The following CNTN5 variants were observed in gnomAD, a reference collection of about 807,000 sequenced individuals.
CNTN5 encodes contactin-5.
CNTN5 carries 77 observed loss-of-function variants against 129.1 expected under a neutral mutation model. That is an observed-to-expected ratio of 0.60 (90% confidence interval 0.50 to 0.72). The LOEUF is 0.72. Among genes scored for constraint, CNTN5 ranks in the 30% least tolerant of loss-of-function variants. The pLI is 0.00. For missense variants in CNTN5, 1,478 were observed against 1,328.8 expected, an observed-to-expected ratio of 1.11 and a Z score of -1.75; for synonymous variants, 509 against 465.6, an observed-to-expected ratio of 1.09 and a Z score of -1.20.
intron 3 of CNTN5, among the ~76,000 whole-genome samples, chr11:99,693,156 T>C (rs570358916): frequency 6.6e-6 from 1 of 152,284 alleles, no homozygotes; most frequent in African/African-American, 2.4e-5. Flanking sequence ...AGTAATGTAG[T>C]CTTCAAAGAA....
intron 3 of CNTN5, among the ~76,000 whole-genome samples, chr11:99,652,819 G>T (rs980869725): frequency 6.6e-6 from 1 of 151,976 alleles, no homozygotes; most frequent in African/African-American, 2.4e-5. Context: ...TACTGAATAT[G>T]TGCAGCAAAG....
intron 3 of CNTN5, among the ~76,000 whole-genome samples, chr11:99,762,854 A>T (rs1415595024): frequency 6.6e-6 from 1 of 152,162 alleles, no homozygotes; most frequent in Non-Finnish European, 1.5e-5. Context: ...AGTTTTAAAG[A>T]TTAATTTTCC....
chr11:99,623,949 A>T (rs1333236337), intron 3 of CNTN5, among the ~76,000 whole-genome samples: 1 of 152,160 alleles, frequency 6.6e-6, no homozygotes, highest in African/African-American at 2.4e-5. Context: ...GAAACTTGTA[A>T]ATTAAGGGTG....
At chr11:100,284,929 TTCTACTGTGCCACTTA>T (rs1950735648) in intron 18 of CNTN5, among the ~76,000 whole-genome samples, 2 of 152,326 alleles carry the variant, frequency 1.3e-5, no homozygotes, top group Admixed American at 1.3e-4. Context: ...TGGATTAACG[TTCTACTGTGCCACTTA>T]ATAGCAGGGT....
rs149187186 is a variant in CNTN5, at chr11:100,179,881, T to C, written c.1581-11245T>C. Reference sequence around the variant, plus strand: ...TTTAAGAAGTAGATAATCGTAATAGTCCTATGTCTTTTTTAAATATTTAAT... The same window carrying C: ...TTTAAGAAGTAGATAATCGTAATAGCCCTATGTCTTTTTTAAATATTTAAT... On this transcript the variant is annotated intron_variant, in intron 13 of 24. Coordinates refer to ENST00000524871, the MANE Select transcript of CNTN5 (RefSeq NM_014361.4). 8.6e-3 allele frequency among the ~76,000 whole-genome samples: 1,311 copies of C among 152,182 alleles called. 16 individuals are homozygous for C. Among genetic ancestry groups the C allele is most frequent in the African/African-American group, 0.029 (1,223 of 41,544 alleles).
At chr11:99,870,022 G>T (rs921252657) in intron 6 of CNTN5, among the ~76,000 whole-genome samples, 2 of 152,042 alleles carry the variant, frequency 1.3e-5, no homozygotes, top group African/African-American at 4.8e-5. Flanking sequence ...TAATTAAAAG[G>T]CACCACTCTC....
At chr11:99,275,031 G>T (rs2135869150) in intron 1 of CNTN5, among the ~76,000 whole-genome samples, 1 of 151,378 alleles carries the variant, frequency 6.6e-6, no homozygotes, top group Non-Finnish European at 1.5e-5. Flanking sequence ...CTGTATTTAA[G>T]ACATAACTTG....
intron 18 of CNTN5, among the ~76,000 whole-genome samples, chr11:100,283,134 T>C (rs1398924836): frequency 1.3e-5 from 2 of 152,122 alleles, no homozygotes; most frequent in African/African-American, 2.4e-5. Flanking sequence ...TTACTTTTCA[T>C]AGCAGATGAT....
At chr11:99,338,151 A>G (rs1866322553) in intron 2 of CNTN5, among the ~76,000 whole-genome samples, 1 of 152,216 alleles carries the variant, frequency 6.6e-6, no homozygotes, top group East Asian at 1.9e-4. Flanking sequence ...ATGAACACAA[A>G]GCATCTTTAA....
chr11:100,013,955 C>G (rs560425126), intron 9 of CNTN5, among the ~76,000 whole-genome samples: 2 of 152,174 alleles, frequency 1.3e-5, no homozygotes, highest in African/African-American at 4.8e-5. Context: ...ACTAAGCATG[C>G]TCGTCATGTG....
chr11:100,294,305 C>T (rs1591487283), intron 18 of CNTN5, among the ~76,000 whole-genome samples: 1 of 151,662 alleles, frequency 6.6e-6, no homozygotes, highest in African/African-American at 2.4e-5. Context: ...GATATTCTGC[C>T]GTGGCTAAAC....
At position 99,448,068 on chromosome 11, in the gene CNTN5, A is replaced by G. The variant is rs536572408; in HGVS notation, c.-70-108077A>G. 4.0e-4 allele frequency among the ~76,000 whole-genome samples: 61 copies of G among 152,272 alleles called. 2 individuals are homozygous for G. Among genetic ancestry groups the G allele is most frequent in the Middle Eastern group, 3.4e-3 (1 of 290 alleles). ...TAATTACATTATACATTTATTGTAG[A>G]GTTATATAATAGTAAGTTAACATTA... On this transcript the variant is annotated intron_variant, in intron 2 of 24. Transcript: ENST00000524871.
chr11:99,465,593 T>G (rs1255070662), intron 2 of CNTN5, among the ~76,000 whole-genome samples: 2 of 150,854 alleles, frequency 1.3e-5, no homozygotes, highest in Admixed American at 6.6e-5. Context: ...TGGTATATAG[T>G]AGGAAATCAG....
intron 3 of CNTN5, among the ~76,000 whole-genome samples, chr11:99,579,363 G>A (rs1329728655): frequency 1.3e-5 from 2 of 151,526 alleles, no homozygotes; most frequent in Non-Finnish European, 3.0e-5. Context: ...CCAATTCTGT[G>A]AAGAAAGTCA....
In CNTN5 at chr11:100,015,297, C is replaced by A. The variant is rs147828858; in HGVS notation, c.980+13161C>A. ...CTAGTAGGGTGTTATGCAGTAATAT[C>A]TGTGCTGGTATGCCCAAATTTCAGA... On this transcript the variant is annotated intron_variant, in intron 9 of 24. Coordinates refer to ENST00000524871, the MANE Select transcript of CNTN5 (RefSeq NM_014361.4). Among the ~76,000 whole-genome samples the A allele has an allele frequency of 3.9e-5, 6 of 152,252 alleles. No individual in the cohort carries two copies. In the East Asian group the frequency reaches 1.2e-3, roughly 29 times the overall value.
At chr11:99,116,701 G>A (rs575763532) in intron 1 of CNTN5, among the ~76,000 whole-genome samples, 67 of 152,284 alleles carry the variant, frequency 4.4e-4, no homozygotes, top group African/African-American at 1.6e-3. Flanking sequence ...TCTCATCAAT[G>A]TATAAAAATA....
rs114152442 is a variant in CNTN5 at position 99,246,633 on chromosome 11, C to T, written c.-209-78713C>T. On this transcript the variant is annotated intron_variant, in intron 1 of 24. Coordinates refer to ENST00000524871, the MANE Select transcript of CNTN5 (RefSeq NM_014361.4). ...TCCAGCAGCTGCCAAATAGTAAACTCGAGTGTGAAATCACTGTATTTCAAA... is the reference window on the plus strand; with the variant it reads ...TCCAGCAGCTGCCAAATAGTAAACTTGAGTGTGAAATCACTGTATTTCAAA... Among the ~76,000 whole-genome samples the T allele has an allele frequency of 9.0e-4, 137 of 152,166 alleles. 1 individual carries two copies. Among genetic ancestry groups the T allele is most frequent in the South Asian group, 6.8e-3 (33 of 4,820 alleles).
chr11:100,221,964 T>C (rs1949274888), intron 15 of CNTN5, among the ~76,000 whole-genome samples: 1 of 152,182 alleles, frequency 6.6e-6, no homozygotes, highest in Non-Finnish European at 1.5e-5. Flanking sequence ...GTGGAGGTTC[T>C]CTCTCAGGAA....
intron 3 of CNTN5, among the ~76,000 whole-genome samples, chr11:99,596,612 CAT>C (rs1320484165): frequency 6.6e-6 from 1 of 152,102 alleles, no homozygotes; most frequent in African/African-American, 2.4e-5. Context: ...GTAAAATTAA[CAT>C]AGACTGTATA....
Sources: allele counts gnomAD v4.1 joint callset (sites outside exome capture counted in the v4.1 genomes callset), GRCh38; gene constraint gnomAD v4.1.1; transcripts MANE v1.5; gene names NCBI Gene and HGNC (gene_info 2026-07-23, HGNC 2026-07-21).